SINHCAF: variants seen among roughly 807,000 people sequenced by gnomAD.
SINHCAF encodes the protein SIN3-HDAC complex associated factor.
A neutral mutation model predicts 25.8 loss-of-function variants in SINHCAF; 3 were observed. That is an observed-to-expected ratio of 0.12 (90% CI 0.05 to 0.30). The LOEUF is 0.30. Among genes scored for constraint, SINHCAF ranks in the 10% least tolerant of loss-of-function variants. SINHCAF has a pLI of 1.00. For synonymous variants in SINHCAF, 70 were observed against 85.5 expected (o/e 0.82, Z 1.00); for missense variants, 121 against 262.3 (o/e 0.46, Z 3.72).
chr12:31,303,361 TG>T, intron 1 of SINHCAF: 1 of 317,866 alleles, frequency 3.1e-6, no homozygotes, highest in Non-Finnish European at 4.5e-6. Flanking sequence ...GGGAAAGAGG[TG>T]AGATGAGGTT....
At chr12:31,319,179 T>G (rs1187212761) in intron 1 of SINHCAF, among the ~76,000 whole-genome samples, 1 of 152,206 alleles carries the variant, frequency 6.6e-6, no homozygotes, top group Non-Finnish European at 1.5e-5. Context: ...CACACCTGAT[T>G]TGACCCAAAC....
At chr12:31,323,238 G>C (rs543339211) in intron 1 of SINHCAF, among the ~76,000 whole-genome samples, 12 of 152,138 alleles carry the variant, frequency 7.9e-5, no homozygotes, top group Non-Finnish European at 1.5e-4. Context: ...TAAATGCCAT[G>C]AGGGTTTTCT....
At chr12:31,323,479 G>C (rs1939789397) in intron 1 of SINHCAF, among the ~76,000 whole-genome samples, 1 of 152,164 alleles carries the variant, frequency 6.6e-6, no homozygotes, top group Non-Finnish European at 1.5e-5. Context: ...GGGGGAGAAA[G>C]AATTGCTGGG....
At chr12:31,313,278 C>T (rs112898217) in intron 1 of SINHCAF, among the ~76,000 whole-genome samples, 2 of 152,162 alleles carry the variant, frequency 1.3e-5, no homozygotes, top group East Asian at 1.9e-4. Flanking sequence ...CCACCTGCCT[C>T]GGCCTCCCGA....
At chr12:31,317,532 G>C (rs542703590) in intron 1 of SINHCAF, among the ~76,000 whole-genome samples, 2 of 151,974 alleles carry the variant, frequency 1.3e-5, no homozygotes, top group East Asian at 3.9e-4. Context: ...TTTTTAAATT[G>C]GTTCTTAAAA....
intron 1 of SINHCAF, among the ~76,000 whole-genome samples, chr12:31,301,972 A>G (rs1231791486): frequency 2.0e-5 from 3 of 152,178 alleles, no homozygotes; most frequent in Non-Finnish European, 4.4e-5. Flanking sequence ...CTCCAGTACA[A>G]TCTATCTTAT....
intron 3 of SINHCAF, 74 bp downstream of exon 3, chr12:31,295,160 C>T: frequency 2.2e-6 from 2 of 911,368 alleles, no homozygotes; most frequent in Non-Finnish European, 1.7e-6. Flanking sequence ...ATATTACTTC[C>T]TAAATTAGGG....
At chr12:31,323,199 C>A (rs1939773859) in intron 1 of SINHCAF, among the ~76,000 whole-genome samples, 1 of 152,142 alleles carries the variant, frequency 6.6e-6, no homozygotes, top group Non-Finnish European at 1.5e-5. Flanking sequence ...AAAAAGATCC[C>A]CCTTCCCAAA....
chr12:31,319,417 A>G (rs1939616665), intron 1 of SINHCAF, among the ~76,000 whole-genome samples: 1 of 152,172 alleles, frequency 6.6e-6, no homozygotes, highest in African/African-American at 2.4e-5. Context: ...AATCCCAGCT[A>G]CTCAGGAGGC....
At chr12:31,295,437 G>T (rs1181001694) in intron 2 of SINHCAF, 104 bp from the exon 3 acceptor site, 4 of 722,630 alleles carry the variant, frequency 5.5e-6, no homozygotes, top group African/African-American at 5.4e-5. Context: ...ATGGTTTATA[G>T]ATACAATTTA....
In SINHCAF at chr12:31,285,203, C is replaced by G. The variant is rs145906753; in HGVS notation, c.507-2332G>C. ...AGGAGTTCACTATCAGCCTGGCCAG[C>G]ATGGTGAAACCCAATCTCTACTAAA... On this transcript the variant is annotated intron_variant, in intron 5 of 5. Coordinates refer to ENST00000337682, the MANE Select transcript of SINHCAF (RefSeq NM_001135812.2). 4.4e-3 allele frequency among the ~76,000 whole-genome samples: 672 copies of G among 152,112 alleles called. 4 individuals are homozygous for G. The highest frequency in any genetic ancestry group is 0.015 in the African/African-American group (640 of 41,486).
chr12:31,313,557 G>A (rs1009566847), intron 1 of SINHCAF, among the ~76,000 whole-genome samples: 2 of 152,196 alleles, frequency 1.3e-5, no homozygotes, highest in Admixed American at 1.3e-4. Context: ...AGAATAAGTT[G>A]TTAATTTCCA....
rs1373975549 is a variant in SINHCAF at position 31,324,484 on chromosome 12, C to G, written c.-21+1540G>C. The G allele has an allele frequency of 6.1e-6, 1 of 163,692 alleles. No homozygotes were observed. Among genetic ancestry groups the G allele is most frequent in the African/African-American group, 2.4e-5 (1 of 41,504 alleles). 10.1% of individuals were successfully genotyped at this position (163,692 alleles called of 1,614,324 possible). On this transcript the variant is annotated intron_variant, in intron 1 of 5. Transcript: ENST00000337682. This position sits in a 1 kb window ranked among gnomAD's most constrained non-coding sequence, Gnocchi z 5.5. The stretch of plus-strand genomic sequence containing the variant: ...GGAAGCACGCCGCCTCCCTACGCAC[C>G]AGCATGGCACCTCGCACAAGTAGCG...
intron 1 of SINHCAF, among the ~76,000 whole-genome samples, chr12:31,310,416 T>C (rs1021747673): frequency 6.6e-6 from 1 of 152,230 alleles, no homozygotes; most frequent in South Asian, 2.1e-4. Context: ...AGAGGAGTCC[T>C]AGTTTTCCAG....
chr12:31,293,203 T>G (rs1218915082), intron 4 of SINHCAF, among the ~76,000 whole-genome samples: 1 of 152,230 alleles, frequency 6.6e-6, no homozygotes, highest in Non-Finnish European at 1.5e-5. Context: ...GCAGTGTATT[T>G]CCTTTTCAAA....
intron 5 of SINHCAF, among the ~76,000 whole-genome samples, chr12:31,286,341 C>G (rs1454524705): frequency 6.6e-6 from 1 of 151,904 alleles, no homozygotes; most frequent in African/African-American, 2.4e-5. Flanking sequence ...CTTTGCACCA[C>G]TAAGAAGACA....
intron 4 of SINHCAF, among the ~76,000 whole-genome samples, chr12:31,293,257 A>G (rs1343274547): frequency 2.0e-5 from 3 of 151,816 alleles, no homozygotes; most frequent in Non-Finnish European, 2.9e-5. Context: ...CATTACAGCA[A>G]CCCCCCAAAA....
rs1002217473 is a variant in SINHCAF, at chr12:31,324,192, C to G, written c.-21+1832G>C. 1 of 211,618 alleles carries G rather than the reference C, an allele frequency of 4.7e-6. No homozygotes were observed. Among genetic ancestry groups the G allele is most frequent in the African/African-American group, 2.4e-5 (1 of 41,798 alleles). 13.1% of individuals were successfully genotyped at this position (211,618 alleles called of 1,614,324 possible). A position where few individuals can be genotyped will look rare whatever the true frequency, so the allele number is the denominator to read the frequency against. On this transcript the variant is annotated intron_variant, in intron 1 of 5. Transcript: ENST00000337682. This position sits in a 1 kb window ranked among gnomAD's most constrained non-coding sequence, Gnocchi z 5.5. Reference sequence around the variant, plus strand: ...CCCGCGCCAGCCCGGCCCGGCGCCTCCCGCAGGCCGCGCCTCCCGCACGCC... The same window carrying G: ...CCCGCGCCAGCCCGGCCCGGCGCCTGCCGCAGGCCGCGCCTCCCGCACGCC...
intron 1 of SINHCAF, among the ~76,000 whole-genome samples, chr12:31,310,412 G>C (rs1011814815): frequency 1.6e-4 from 25 of 152,186 alleles, no homozygotes; most frequent in African/African-American, 6.0e-4. Flanking sequence ...CCTCAGAGGA[G>C]TCCTAGTTTT....
Sources: gnomAD v4.1 joint callset for allele counts (sites outside exome capture counted in the v4.1 genomes callset) on GRCh38, gnomAD v4.1.1 for gene constraint, Gnocchi (gnomAD v3.1) non-coding constraint, MANE v1.5 for transcripts, NCBI Gene and HGNC (gene_info 2026-07-23, HGNC 2026-07-21) for gene names.